DIAPH3: variants seen among roughly 807,000 people sequenced by gnomAD.
DIAPH3 encodes diaphanous related formin 3, also known as protein diaphanous homolog 3.
In DIAPH3, 117 loss-of-function variants were observed where a neutral mutation model predicts 144.3. That is an observed-to-expected ratio of 0.81 (90% CI 0.70 to 0.95). The LOEUF is 0.95. Among genes scored for constraint, DIAPH3 ranks in the 40% least tolerant of loss-of-function variants. The pLI is 0.00. For missense variants in DIAPH3, 1,421 were observed against 1,412.7 expected, an observed-to-expected ratio of 1.01 and a Z score of -0.09; for synonymous variants, 519 against 488.9, an observed-to-expected ratio of 1.06 and a Z score of -0.81.
At chr13:59,678,208 T>A (rs776391949) in intron 27 of DIAPH3, among the ~76,000 whole-genome samples, 1 of 152,166 alleles carries the variant, frequency 6.6e-6, no homozygotes, top group Non-Finnish European at 1.5e-5. Context: ...TTTTTTATTG[T>A]TCTATTCATA....
intron 20 of DIAPH3, among the ~76,000 whole-genome samples, chr13:59,879,957 G>A (rs2044898835): frequency 6.6e-6 from 1 of 152,184 alleles, no homozygotes; most frequent in Non-Finnish European, 1.5e-5. Context: ...GATAGAGGGA[G>A]AGTAAATAGG....
At chr13:59,736,627 T>C (rs964176537) in intron 27 of DIAPH3, among the ~76,000 whole-genome samples, 7 of 152,154 alleles carry the variant, frequency 4.6e-5, no homozygotes, top group African/African-American at 1.7e-4. Flanking sequence ...ATTACTACCA[T>C]TGACATTCTT....
chr13:59,792,045 A>G (rs1449901448), intron 25 of DIAPH3, among the ~76,000 whole-genome samples: 1 of 152,018 alleles, frequency 6.6e-6, no homozygotes, highest in Non-Finnish European at 1.5e-5. Context: ...AGCATGAACA[A>G]TCTCTCTACT....
At chr13:59,700,027 G>C (rs879033456) in intron 27 of DIAPH3, among the ~76,000 whole-genome samples, 1 of 152,110 alleles carries the variant, frequency 6.6e-6, no homozygotes, top group Admixed American at 6.6e-5. Flanking sequence ...ATTTGTATAT[G>C]GTGTATCTCC....
intron 1 of DIAPH3, among the ~76,000 whole-genome samples, chr13:60,157,720 C>T (rs1357804344): frequency 6.6e-6 from 1 of 151,984 alleles, no homozygotes; most frequent in Admixed American, 6.5e-5. Context: ...TCCTTCTATT[C>T]TTCTGAGAAG....
intron 27 of DIAPH3, among the ~76,000 whole-genome samples, chr13:59,749,794 A>G (rs1489250352): frequency 6.6e-6 from 1 of 152,192 alleles, no homozygotes; most frequent in Non-Finnish European, 1.5e-5. Flanking sequence ...CTTAGAATTT[A>G]TGGAATGGTA....
intron 12 of DIAPH3, among the ~76,000 whole-genome samples, chr13:59,989,513 G>T (rs9570242): frequency 0.16 from 23,617 of 151,648 alleles, 1,986 homozygotes; most frequent in Middle Eastern, 0.22. Flanking sequence ...TGCCTTTGTG[G>T]CAACCATATC....
chr13:59,834,436 G>T (rs1394565251), intron 23 of DIAPH3, among the ~76,000 whole-genome samples: 3 of 102,220 alleles, frequency 2.9e-5, no homozygotes, highest in Non-Finnish European at 4.0e-5. Context: ...GCTAAAAATG[G>T]AATTTTTATA....
intron 5 of DIAPH3, among the ~76,000 whole-genome samples, chr13:60,038,825 C>G (rs147476022): frequency 6.6e-6 from 1 of 151,852 alleles, no homozygotes; most frequent in Non-Finnish European, 1.5e-5. Context: ...AATAAAGATA[C>G]CTTCTATCAC....
At chr13:59,925,542 TG>T (rs2047713296) in intron 17 of DIAPH3, among the ~76,000 whole-genome samples, 1 of 152,188 alleles carries the variant, frequency 6.6e-6, no homozygotes. Flanking sequence ...CGTCTTGTCT[TG>T]GTATTAGTGT....
intron 17 of DIAPH3, among the ~76,000 whole-genome samples, chr13:59,948,900 G>GGAA (rs2048949956): frequency 7.4e-6 from 1 of 135,204 alleles, no homozygotes; most frequent in Non-Finnish European, 1.6e-5. Flanking sequence ...AAGGAAGGAA[G>GGAA]GAAGGAAACT....
chr13:59,940,630 C>G (rs116101913), intron 17 of DIAPH3, among the ~76,000 whole-genome samples: 94 of 152,236 alleles, frequency 6.2e-4, no homozygotes, highest in African/African-American at 2.1e-3. Flanking sequence ...CTGTAAGACT[C>G]AAATCCTTTT....
chr13:60,029,355 C>A (rs185763259), intron 5 of DIAPH3, among the ~76,000 whole-genome samples: 1 of 152,192 alleles, frequency 6.6e-6, no homozygotes, highest in Non-Finnish European at 1.5e-5. Flanking sequence ...TATCTCACAC[C>A]TTCTTGTCCA....
rs377631849 is a variant in DIAPH3 at position 59,911,762 on chromosome 13, T to C, written c.2340A>G (p.Leu780=). The change falls in exon 20 of 28, where the codon TTA becomes TTG. Residue 780 remains leucine, a synonymous_variant. Coordinates refer to ENST00000400324, the MANE Select transcript of DIAPH3 (RefSeq NM_001042517.2). Reference sequence around the variant, plus strand: ...CAACCACAAACTGCTCAGGTTCACATAAGTTGCTATATTCACTCTTGAACT... The same window carrying C: ...CAACCACAAACTGCTCAGGTTCACACAAGTTGCTATATTCACTCTTGAACT... ...LSQFKSEYSN[L]CEPEQFVVVM... is the part of the protein sequence containing the mutation. 5 of 1,613,540 alleles carry C rather than the reference T, an allele frequency of 3.1e-6. No individual in the cohort carries two copies. In the African/African-American group the frequency reaches 6.7e-5, roughly 22 times the overall value.
At chr13:59,886,956 C>T (rs1408549969) in intron 20 of DIAPH3, among the ~76,000 whole-genome samples, 2 of 152,006 alleles carry the variant, frequency 1.3e-5, no homozygotes, top group Non-Finnish European at 2.9e-5. Flanking sequence ...TGCAAATAGA[C>T]ACCTTTACCA....
At chr13:60,097,050 C>T (rs893421223) in intron 3 of DIAPH3, among the ~76,000 whole-genome samples, 5 of 152,176 alleles carry the variant, frequency 3.3e-5, no homozygotes, top group African/African-American at 9.7e-5. Flanking sequence ...AGTAGTGATA[C>T]ATCTGGAATT....
At chr13:59,845,450 C>G (rs1593648458) in intron 22 of DIAPH3, among the ~76,000 whole-genome samples, 2 of 152,168 alleles carry the variant, frequency 1.3e-5, no homozygotes, top group East Asian at 3.9e-4. Flanking sequence ...GGTTTCCAGA[C>G]AATCAGTAAA....
intron 27 of DIAPH3, among the ~76,000 whole-genome samples, chr13:59,760,604 G>T (rs951579803): frequency 1.3e-5 from 2 of 152,190 alleles, no homozygotes; most frequent in African/African-American, 4.8e-5. Context: ...GTTGTTATTT[G>T]CATATCATAT....
intron 21 of DIAPH3, among the ~76,000 whole-genome samples, chr13:59,862,826 T>G (rs915679616): frequency 6.6e-6 from 1 of 152,146 alleles, no homozygotes; most frequent in African/African-American, 2.4e-5. Context: ...ATATACTGTA[T>G]GCATATCTGT....
Sources: allele counts gnomAD v4.1 joint callset (sites outside exome capture counted in the v4.1 genomes callset), GRCh38; gene constraint gnomAD v4.1.1; transcripts MANE v1.5; gene names NCBI Gene and HGNC (gene_info 2026-07-23, HGNC 2026-07-21).